The following RFC3 variants were observed in gnomAD, a reference collection of about 807,000 sequenced individuals.
RFC3 encodes the protein A1 38 kDa subunit.
RFC3 carries 41 observed loss-of-function variants against 45.1 expected under a neutral mutation model. The ratio of observed to expected loss-of-function variants is 0.91; its 90% CI spans 0.71 to 1.18. RFC3 has a LOEUF of 1.18. Ranked by LOEUF, RFC3 falls within the 50% of genes most tolerant of loss-of-function variation. The pLI is 0.00. For synonymous variants in RFC3, 149 were observed against 144.0 expected (o/e 1.03, Z -0.25); for missense variants, 423 against 428.1 (o/e 0.99, Z 0.10).
At chr13:33,827,434 T>C (rs1450724929) in intron 4 of RFC3, among the ~76,000 whole-genome samples, 2 of 152,208 alleles carry the variant, frequency 1.3e-5, no homozygotes, top group Non-Finnish European at 2.9e-5. Context: ...TATGTAAATA[T>C]AGGAAATATT....
At chr13:33,959,969 C>A (rs891381893) in intron 8 of RFC3, among the ~76,000 whole-genome samples, 7 of 152,062 alleles carry the variant, frequency 4.6e-5, no homozygotes, top group Non-Finnish European at 1.5e-5. Flanking sequence ...GCTTGTAGGT[C>A]ACATAGTGAA....
intron 8 of RFC3, among the ~76,000 whole-genome samples, chr13:33,954,611 C>T (rs912636816): frequency 1.2e-4 from 19 of 152,212 alleles, no homozygotes; most frequent in Admixed American, 8.5e-4. Flanking sequence ...TCTCACAGTC[C>T]GGAGGCTGGA....
intron 8 of RFC3, among the ~76,000 whole-genome samples, chr13:33,894,916 T>C (rs2082587989): frequency 6.6e-6 from 1 of 152,150 alleles, no homozygotes; most frequent in Non-Finnish European, 1.5e-5. Flanking sequence ...AAAGGACACC[T>C]ATTCAATGAA....
chr13:33,827,743 G>A (rs974140840), intron 4 of RFC3, among the ~76,000 whole-genome samples: 3 of 152,164 alleles, frequency 2.0e-5, no homozygotes, highest in African/African-American at 7.2e-5. Flanking sequence ...CCATAAAGAT[G>A]TTATTCTGCT....
intron 8 of RFC3, among the ~76,000 whole-genome samples, chr13:33,911,109 T>G (rs1414274599): frequency 1.3e-5 from 2 of 152,094 alleles, no homozygotes; most frequent in African/African-American, 2.4e-5. Context: ...AAAGGTTTTA[T>G]TTATTAAACG....
At chr13:33,873,429 G>GT in intron 8 of RFC3, among the ~76,000 whole-genome samples, 1 of 152,310 alleles carries the variant, frequency 6.6e-6, no homozygotes, top group South Asian at 2.1e-4. Context: ...ATACTCTGCT[G>GT]TTTTGACTTC....
intron 8 of RFC3, among the ~76,000 whole-genome samples, chr13:33,937,858 T>C (rs1268597745): frequency 6.6e-6 from 1 of 152,164 alleles, no homozygotes; most frequent in East Asian, 1.9e-4. Context: ...TCCAAACCAC[T>C]AGCCATTAAC....
At chr13:33,918,299 T>C (rs1343826657) in intron 8 of RFC3, among the ~76,000 whole-genome samples, 1 of 152,220 alleles carries the variant, frequency 6.6e-6, no homozygotes, top group African/African-American at 2.4e-5. Context: ...CTAGGGTTTC[T>C]GACCTCAGCA....
chr13:33,840,771 T>A (rs1186918943), downstream of RFC3, among the ~76,000 whole-genome samples: 3 of 152,116 alleles, frequency 2.0e-5, no homozygotes, highest in East Asian at 5.8e-4. Context: ...CCTAGAAATA[T>A]CTTTTAAAAT....
At chr13:33,871,538 C>T (rs571034861) in intron 8 of RFC3, among the ~76,000 whole-genome samples, 2 of 152,208 alleles carry the variant, frequency 1.3e-5, no homozygotes, top group East Asian at 3.8e-4. Flanking sequence ...GGGATAATCT[C>T]CCACTTCCAG....
In RFC3 at chr13:33,823,912, C is replaced by T. The variant is rs2082025868; in HGVS notation, c.226-5C>T. 1 of 1,482,590 alleles carries T rather than the reference C, an allele frequency of 6.7e-7. No homozygotes were observed. The highest frequency in any genetic ancestry group is 9.3e-7 in the Non-Finnish European group (1 of 1,074,674). 91.8% of individuals were successfully genotyped at this position (1,482,590 alleles called of 1,614,324 possible). On this transcript the variant is annotated splice_polypyrimidine_tract_variant and splice_region_variant and intron_variant, in intron 2 of 8. Coordinates refer to ENST00000380071, the MANE Select transcript of RFC3 (RefSeq NM_002915.4). ...TGTTAAAAATATCTTTTTCTTTGTC[C>T]ACAGACTCCATCTAAAAAAAAAATT...
chr13:33,854,901 A>G (rs1311756739), intron 8 of RFC3, among the ~76,000 whole-genome samples: 1 of 152,134 alleles, frequency 6.6e-6, no homozygotes, highest in Non-Finnish European at 1.5e-5. Context: ...TAGTTTAGAT[A>G]TACCCCAGGG....
intron 8 of RFC3, among the ~76,000 whole-genome samples, chr13:33,931,276 C>T (rs767813550): frequency 6.6e-6 from 1 of 152,094 alleles, no homozygotes; most frequent in African/African-American, 2.4e-5. Context: ...GATGGTAGTT[C>T]GTTTCATCTA....
intron 5 of RFC3, among the ~76,000 whole-genome samples, chr13:33,830,328 T>A (rs1266948187): frequency 6.6e-6 from 1 of 152,190 alleles, no homozygotes; most frequent in African/African-American, 2.4e-5. Context: ...AAGAGGAGGC[T>A]GGAATATTGA....
At chr13:33,881,057 AAAAC>A (rs954871922) in intron 8 of RFC3, among the ~76,000 whole-genome samples, 3 of 152,196 alleles carry the variant, frequency 2.0e-5, no homozygotes, top group Non-Finnish European at 2.9e-5. Flanking sequence ...CTCAGTCTCA[AAAAC>A]AAACAAACAA....
intron 8 of RFC3, among the ~76,000 whole-genome samples, chr13:33,876,409 C>A (rs1432655949): frequency 1.3e-5 from 2 of 152,148 alleles, no homozygotes; most frequent in African/African-American, 4.8e-5. Context: ...AATCAATGTT[C>A]ATTGCTTTCT....
At chr13:33,821,381 T>G in intron 2 of RFC3, 112 bp downstream of exon 2, 1 of 1,060,310 alleles carries the variant, frequency 9.4e-7, no homozygotes, top group Non-Finnish European at 1.4e-6. Context: ...TAAATAAGAA[T>G]TCCACAGGTA....
chr13:33,947,527 C>T (rs770130251), intron 8 of RFC3, among the ~76,000 whole-genome samples: 5 of 152,058 alleles, frequency 3.3e-5, no homozygotes, highest in Non-Finnish European at 5.9e-5. Flanking sequence ...AATGTTGAAG[C>T]GACTCTGGAA....
intron 4 of RFC3, among the ~76,000 whole-genome samples, chr13:33,826,594 A>G (rs1457894921): frequency 6.6e-6 from 1 of 152,082 alleles, no homozygotes; most frequent in Non-Finnish European, 1.5e-5. Context: ...TTTCAAAATA[A>G]ATTTACATTT....
Sources: gnomAD v4.1 joint callset for allele counts (sites outside exome capture counted in the v4.1 genomes callset) on GRCh38, gnomAD v4.1.1 for gene constraint, MANE v1.5 for transcripts, NCBI Gene and HGNC (gene_info 2026-07-23, HGNC 2026-07-21) for gene names.